The following MR1 variants were observed in gnomAD, a reference collection of about 807,000 sequenced individuals.
MR1 encodes major histocompatibility complex class I-related protein 1.
MR1 carries 44 observed loss-of-function variants against 37.8 expected under a neutral mutation model. The observed-to-expected ratio is 1.16, with a 90% confidence interval of 0.91 to 1.50. MR1 has a LOEUF of 1.50. Ranked by LOEUF, MR1 falls within the 40% of genes most tolerant of loss-of-function variation. The probability of loss-of-function intolerance (pLI) is 0.00; values close to 1 mark genes in which losing one functional copy is unlikely to be tolerated. For missense variants in MR1, 386 were observed against 419.1 expected, an observed-to-expected ratio of 0.92 and a Z score of 0.69; for synonymous variants, 153 against 155.8, an observed-to-expected ratio of 0.98 and a Z score of 0.13.
At chr1:181,050,398 G>C in intron 3 of MR1, 112 bp downstream of exon 3, 1 of 1,401,952 alleles carries the variant, frequency 7.1e-7, no homozygotes, top group African/African-American at 1.4e-5. Context: ...CTCTTTAGTT[G>C]GCCTATTGTG....
chr1:181,040,228 G>A (rs1657487133), intron 1 of MR1, among the ~76,000 whole-genome samples: 1 of 152,306 alleles, frequency 6.6e-6, no homozygotes, highest in South Asian at 2.1e-4. Flanking sequence ...TTCATGGAAA[G>A]GGAGAGAGAG....
At chr1:181,052,661 T>C in intron 4 of MR1, 151 bp downstream of exon 4, 1 of 876,510 alleles carries the variant, frequency 1.1e-6, no homozygotes, top group Non-Finnish European at 1.7e-6. Context: ...TCTCACACTT[T>C]TTGGAACCAG....
At chr1:181,052,196 A>C in intron 3 of MR1, 39 bp from the exon 4 acceptor site, 2 of 1,606,646 alleles carry the variant, frequency 1.2e-6, no homozygotes, top group African/African-American at 1.3e-5. Flanking sequence ...TGCTCAGTAC[A>C]TAAGGCACTT....
At chr1:181,048,149 G>A (rs750433035) in intron 1 of MR1, among the ~76,000 whole-genome samples, 10 of 148,278 alleles carry the variant, frequency 6.7e-5, no homozygotes, top group Non-Finnish European at 4.5e-5. Flanking sequence ...CCCGGTAGGC[G>A]GAGGTTGCAG....
intron 1 of MR1, among the ~76,000 whole-genome samples, chr1:181,041,861 C>T (rs929631550): frequency 2.6e-5 from 4 of 152,134 alleles, no homozygotes; most frequent in African/African-American, 9.7e-5. Context: ...CTGTCTTCTC[C>T]CCTTCCCCCG....
In MR1 at chr1:181,049,998, G is replaced by A; in HGVS notation, c.329-13G>A. 6.2e-7 allele frequency: 1 copy of A among 1,609,620 alleles called. No individual in the cohort carries two copies. ...TCTGTGTGGACCCCTCTGGGCTTCT[G>A]TGTGTGTTCCAGGGTCTCACACTTA... On this transcript the variant is annotated splice_polypyrimidine_tract_variant and intron_variant, in intron 2 of 5. Transcript: ENST00000367580.
chr1:181,038,522 A>G (rs1255093350), intron 1 of MR1, among the ~76,000 whole-genome samples: 1 of 152,240 alleles, frequency 6.6e-6, no homozygotes, highest in African/African-American at 2.4e-5. Flanking sequence ...TGGTTATCCA[A>G]TCAGGACTCA....
chr1:181,049,770 A>G, intron 2 of MR1: 1 of 558,332 alleles, frequency 1.8e-6, no homozygotes, highest in Non-Finnish European at 3.2e-6. Context: ...CCATTACAGG[A>G]TAACTCCCCA....
At chr1:181,041,661 C>G (rs1274869538) in intron 1 of MR1, among the ~76,000 whole-genome samples, 1 of 152,196 alleles carries the variant, frequency 6.6e-6, no homozygotes, top group Non-Finnish European at 1.5e-5. Context: ...CATGGCCCTT[C>G]TTGTCCAGAC....
chr1:181,038,865 G>A (rs182325329), intron 1 of MR1, among the ~76,000 whole-genome samples: 2 of 152,056 alleles, frequency 1.3e-5, no homozygotes, highest in East Asian at 3.9e-4. Context: ...GTGCAATGGC[G>A]TGATCCCGGC....
chr1:181,058,990 A>G lies in MR1; in HGVS notation c.*3725A>G, dbSNP rs1658776391. The G allele has an allele frequency of 6.6e-6, 1 of 152,172 alleles. No individual in the cohort carries two copies. Among genetic ancestry groups the G allele is most frequent in the Non-Finnish European group, 1.5e-5 (1 of 68,032 alleles). 9.4% of individuals were successfully genotyped at this position (152,172 alleles called of 1,614,324 possible). ...AGGGGACACATTCTTGCTTGTTAGC[A>G]CCTGCTCTCTGGAGTTTGCTATTTT... On this transcript the variant is annotated 3_prime_UTR_variant, in exon 6 of 6. Coordinates refer to ENST00000367580, the MANE Select transcript of MR1 (RefSeq NM_001385161.1).
chr1:181,048,370 C>T (rs575143426), intron 1 of MR1, among the ~76,000 whole-genome samples: 44 of 151,998 alleles, frequency 2.9e-4, no homozygotes, highest in African/African-American at 1.0e-3. Context: ...ACTGACTCTA[C>T]TAAAACTACA....
rs900895202 is a variant in MR1 at position 181,053,724 on chromosome 1, A to G, written c.985+47A>G. 5.3e-6 allele frequency: 7 copies of G among 1,332,320 alleles called. No individual in the cohort carries two copies. The East Asian group carries it at 9.2e-5, about 17-fold the overall frequency. 82.5% of individuals were successfully genotyped at this position (1,332,320 alleles called of 1,614,324 possible). A position where few individuals can be genotyped will look rare whatever the true frequency, so the allele number is the denominator to read the frequency against. ...TCCAGGGGGCTGCAGACTCTCCTGCATCTCTCCAGTTTTATTTTCTGCACC... is the reference window on the plus strand; with the variant it reads ...TCCAGGGGGCTGCAGACTCTCCTGCGTCTCTCCAGTTTTATTTTCTGCACC... On this transcript the variant is annotated intron_variant, in intron 5 of 5. Transcript: ENST00000367580.
At chr1:181,042,984 C>T (rs752211788) in intron 1 of MR1, among the ~76,000 whole-genome samples, 14 of 152,152 alleles carry the variant, frequency 9.2e-5, no homozygotes, top group Admixed American at 2.6e-4. Context: ...AAGCAAAGTC[C>T]CTGTTCTTAA....
intron 5 of MR1, among the ~76,000 whole-genome samples, chr1:181,055,018 A>G (rs1429557473): frequency 6.6e-6 from 1 of 152,346 alleles, no homozygotes; most frequent in South Asian, 2.1e-4. Context: ...CCCTCTCTCA[A>G]TAATTATACA....
chr1:181,057,702 A>G lies in MR1; in HGVS notation c.*2437A>G, dbSNP rs907383593. On this transcript the variant is annotated 3_prime_UTR_variant, in exon 6 of 6. Transcript: ENST00000367580. ...TTTATAATACTAAAAGAATCATAAT[A>G]TAAAGAGATGATTAAAAAAAAAATA... 1 of 152,182 alleles carries G rather than the reference A, an allele frequency of 6.6e-6. No individual in the cohort carries two copies. The highest frequency in any genetic ancestry group is 1.5e-5 in the Non-Finnish European group (1 of 68,026). The allele number at this position is 152,182 out of a possible 1,614,324, so 9.4% of individuals were successfully genotyped here. A position where few individuals can be genotyped will look rare whatever the true frequency, so the allele number is the denominator to read the frequency against.
chr1:181,054,206 T>C (rs1010198244), intron 5 of MR1, among the ~76,000 whole-genome samples: 2 of 152,224 alleles, frequency 1.3e-5, no homozygotes, highest in Non-Finnish European at 2.9e-5. Context: ...GTAGGAGATA[T>C]ATAGGCTCTT....
Position 181,061,869 on chromosome 1 carries a change from G to A in MR1, c.*6604G>A, listed in dbSNP as rs139779450. The A allele has an allele frequency of 2.6e-5, 4 of 152,240 alleles. No homozygotes were observed. Among genetic ancestry groups the A allele is most frequent in the African/African-American group, 9.6e-5 (4 of 41,556 alleles). The allele number at this position is 152,240 out of a possible 1,614,324, so 9.4% of individuals were successfully genotyped here. On this transcript the variant is annotated 3_prime_UTR_variant, in exon 6 of 6. Coordinates refer to ENST00000367580, the MANE Select transcript of MR1 (RefSeq NM_001385161.1). ...ACTCAGGATGAATGGTTTGAGGACT[G>A]GTCTGAATTCTTCAAAGGTTTCAGC...
At chr1:181,040,842 GGGAGGCCAAGGC>G (rs908891891) in intron 1 of MR1, among the ~76,000 whole-genome samples, 1 of 151,662 alleles carries the variant, frequency 6.6e-6, no homozygotes, top group African/African-American at 2.4e-5. Flanking sequence ...CCAGCACTTT[GGGAGGCCAAGGC>G]AGGGGGAATC....
Sources: allele counts gnomAD v4.1 joint callset (sites outside exome capture counted in the v4.1 genomes callset), GRCh38; gene constraint gnomAD v4.1.1; transcripts MANE v1.5; gene names NCBI Gene and HGNC (gene_info 2026-07-23, HGNC 2026-07-21).